Variants in FAM78B observed in about 807,000 individuals in gnomAD.
The protein encoded by FAM78B is family with sequence similarity 78 member B, also known as protein FAM78B.
Under a neutral mutation model 20.0 loss-of-function variants are expected in FAM78B, and 10 were observed. The ratio of observed to expected loss-of-function variants is 0.50; its 90% confidence interval spans 0.31 to 0.85. The LOEUF (loss-of-function observed/expected upper bound fraction) is 0.85. FAM78B is among the 40% of genes least tolerant of loss of function. The probability of loss-of-function intolerance (pLI) is 0.05; values close to 1 mark genes in which losing one functional copy is unlikely to be tolerated. For synonymous variants in FAM78B, 135 were observed against 132.8 expected (o/e 1.02, Z -0.12); for missense variants, 283 against 345.0 (o/e 0.82, Z 1.42).
At chr1:166,129,221 TTA>T (rs1654778115) in intron 1 of FAM78B, among the ~76,000 whole-genome samples, 1 of 152,216 alleles carries the variant, frequency 6.6e-6, no homozygotes, top group South Asian at 2.1e-4. Context: ...CAGTGTATTG[TTA>T]GAATATTAGG....
chr1:166,093,168 T>C (rs936766096), intron 1 of FAM78B, among the ~76,000 whole-genome samples: 3 of 152,146 alleles, frequency 2.0e-5, no homozygotes, highest in African/African-American at 4.8e-5. Flanking sequence ...AATTTTCCTG[T>C]TTTATGTTTT....
intron 1 of FAM78B, among the ~76,000 whole-genome samples, chr1:166,132,671 A>G (rs1214189921): frequency 1.3e-5 from 2 of 152,206 alleles, no homozygotes; most frequent in African/African-American, 4.8e-5. Flanking sequence ...CTAATTAGAC[A>G]AAAATTTTCA....
chr1:166,166,421 G>A lies in FAM78B; in HGVS notation c.-173C>T. On this transcript the variant is annotated 5_prime_UTR_variant, in exon 1 of 2. Transcript: ENST00000354422. ...ATCCTTGGGGAAGCCCCCTCCTCTT[G>A]CAGCCGCGCGGGGTCCCCGCTGCCC... 2.4e-6 allele frequency: 1 copy of A among 420,284 alleles called. No homozygotes were observed. Among genetic ancestry groups the A allele is most frequent in the Non-Finnish European group, 3.2e-6 (1 of 309,146 alleles). 26.0% of individuals were successfully genotyped at this position (420,284 alleles called of 1,614,324 possible). A position where few individuals can be genotyped will look rare whatever the true frequency, so the allele number is the denominator to read the frequency against.
chr1:166,079,883 A>G (rs1369857290), intron 1 of FAM78B, among the ~76,000 whole-genome samples: 1 of 152,184 alleles, frequency 6.6e-6, no homozygotes, highest in Non-Finnish European at 1.5e-5. Flanking sequence ...ATCTAGATGC[A>G]CAGTTCTGGA....
At chr1:166,099,971 G>C (rs1008584263) in intron 1 of FAM78B, among the ~76,000 whole-genome samples, 1 of 152,152 alleles carries the variant, frequency 6.6e-6, no homozygotes, top group African/African-American at 2.4e-5. Flanking sequence ...CTATTCAACA[G>C]TGCATGGAAC....
chr1:166,165,211 T>C (rs958021554), intron 1 of FAM78B: 28 of 152,274 alleles, frequency 1.8e-4, no homozygotes, highest in African/African-American at 6.5e-4. Context: ...ATTAGGAAAG[T>C]TTTAAAAAGT....
At chr1:166,111,646 G>A (rs367734931) in intron 1 of FAM78B, among the ~76,000 whole-genome samples, 1 of 152,224 alleles carries the variant, frequency 6.6e-6, no homozygotes, top group Non-Finnish European at 1.5e-5. Context: ...CAAAGTCTAC[G>A]TCTTTATAAC....
chr1:166,115,568 C>T (rs1654222235), intron 1 of FAM78B, among the ~76,000 whole-genome samples: 1 of 152,152 alleles, frequency 6.6e-6, no homozygotes, highest in African/African-American at 2.4e-5. Flanking sequence ...CATCTGTGTG[C>T]CGGGGATGTC....
chr1:166,060,715 C>A, intron 2 of FAM78B: 1 of 1,110,956 alleles, frequency 9.0e-7, no homozygotes, highest in South Asian at 1.4e-5. Flanking sequence ...AGACAGTGAT[C>A]AAAGAAATGT....
intron 1 of FAM78B, among the ~76,000 whole-genome samples, chr1:166,138,521 G>A (rs575974997): frequency 2.0e-5 from 3 of 152,288 alleles, no homozygotes; most frequent in East Asian, 1.9e-4. Context: ...AGGAGGTCAT[G>A]ATTTGGCTTA....
intron 1 of FAM78B, among the ~76,000 whole-genome samples, chr1:166,136,262 C>T (rs1389647287): frequency 1.3e-5 from 2 of 152,148 alleles, no homozygotes; most frequent in Non-Finnish European, 2.9e-5. Flanking sequence ...ATCTTTTAGC[C>T]ATGCCTGAAT....
intron 1 of FAM78B, among the ~76,000 whole-genome samples, chr1:166,086,321 G>A (rs1047632845): frequency 6.6e-6 from 1 of 152,100 alleles, no homozygotes; most frequent in South Asian, 2.1e-4. Flanking sequence ...TGACACTAGA[G>A]CAGAGGAATG....
rs971414042 is a variant in FAM78B at position 166,096,675 on chromosome 1, A to G, written c.264-25912T>C. Among the ~76,000 whole-genome samples, 73 of 152,244 alleles carry G rather than the reference A, an allele frequency of 4.8e-4. 1 individual carries two copies. The highest frequency in any genetic ancestry group is 3.4e-3 in the Middle Eastern group (1 of 294). On this transcript the variant is annotated intron_variant, in intron 1 of 1. Coordinates refer to ENST00000354422, the MANE Select transcript of FAM78B (RefSeq NM_001017961.5). Reference sequence around the variant, plus strand: ...GATGTAGTGAGAGAGGCCTGCCTCAATGTTCTTGTCCTCCTCTCCTTACCC... The same window carrying G: ...GATGTAGTGAGAGAGGCCTGCCTCAGTGTTCTTGTCCTCCTCTCCTTACCC...
intron 1 of FAM78B, 132 bp downstream of exon 1, chr1:166,165,854 G>T: frequency 9.8e-7 from 1 of 1,018,576 alleles, no homozygotes; most frequent in Non-Finnish European, 1.4e-6. Context: ...AGGGAGGTGG[G>T]AGAGGAGGCG....
intron 1 of FAM78B, among the ~76,000 whole-genome samples, chr1:166,086,602 T>C (rs552702572): frequency 1.3e-5 from 2 of 152,336 alleles, no homozygotes; most frequent in Admixed American, 1.3e-4. Flanking sequence ...ATTGTTTTCA[T>C]TAACTTTCCA....
At chr1:166,058,510 T>C (rs1651444255) in exon 3 of FAM78B, 1 of 137,726 alleles carries the variant, frequency 7.3e-6, no homozygotes, top group African/African-American at 3.6e-5. Context: ...TGTGTGTGTG[T>C]GTGTGTGTGT....
intron 1 of FAM78B, among the ~76,000 whole-genome samples, chr1:166,081,602 C>G (rs941501227): frequency 6.6e-6 from 1 of 152,170 alleles, no homozygotes; most frequent in Admixed American, 6.5e-5. Context: ...CCTTTTGGCT[C>G]CTTACCAGTC....
At chr1:166,086,061 T>A (rs1025905540) in intron 1 of FAM78B, among the ~76,000 whole-genome samples, 5 of 151,546 alleles carry the variant, frequency 3.3e-5, no homozygotes, top group Admixed American at 1.3e-4. Flanking sequence ...TCAAAGTAGG[T>A]ACTATGTTAC....
chr1:166,163,953 T>TG (rs1335789140), intron 1 of FAM78B, among the ~76,000 whole-genome samples: 1 of 152,198 alleles, frequency 6.6e-6, no homozygotes, highest in East Asian at 1.9e-4. Flanking sequence ...AAGGATTCAG[T>TG]GGGGAAGGGT....
Sources: allele counts gnomAD v4.1 joint callset (sites outside exome capture counted in the v4.1 genomes callset), GRCh38; gene constraint gnomAD v4.1.1; transcripts MANE v1.5; gene names NCBI Gene and HGNC (gene_info 2026-07-23, HGNC 2026-07-21).